RGS8: variants seen among roughly 807,000 people sequenced by gnomAD.
RGS8 encodes regulator of G protein signaling 8.
A neutral mutation model predicts 21.7 loss-of-function variants in RGS8; 8 were observed. That is an observed-to-expected ratio of 0.37 (90% confidence interval 0.22 to 0.66). The LOEUF is 0.66. Ranked by LOEUF, RGS8 falls within the 30% of genes least tolerant of loss-of-function variation. RGS8 has a pLI of 0.59. For synonymous variants in RGS8, 80 were observed against 83.6 expected (o/e 0.96, Z 0.24); for missense variants, 157 against 217.9 (o/e 0.72, Z 1.76).
At position 182,671,646 on chromosome 1, in the gene RGS8, G is replaced by C; in HGVS notation, c.-104+11C>G. On this transcript the variant is annotated intron_variant, in intron 2 of 6. Transcript: ENST00000483095. ...CCGGAGAAGAAAGAGAAAAGCAAAG[G>C]CAATACTCACTGTCTTTGGCCAGTC... The C allele has an allele frequency of 6.2e-7, 1 of 1,612,574 alleles. No individual in the cohort carries two copies. The highest frequency in any genetic ancestry group is 8.5e-7 in the Non-Finnish European group (1 of 1,178,614).
At chr1:182,719,459 T>TTC in the RGS8 span, among the ~76,000 whole-genome samples, 2 of 114,542 alleles carry the variant, frequency 1.7e-5, no homozygotes, top group African/African-American at 8.4e-5. Flanking sequence ...TTTTTCTTTC[T>TTC]TCTTTTTTTT....
At chr1:182,674,055 A>G (rs766503418), upstream of RGS8, among the ~76,000 whole-genome samples, 5 of 152,246 alleles carry the variant, frequency 3.3e-5, no homozygotes, top group Non-Finnish European at 7.3e-5. Context: ...GCTGGTATCT[A>G]GCACCAAACC....
chr1:182,749,235 T>G, the RGS8 span, among the ~76,000 whole-genome samples: 1 of 152,248 alleles, frequency 6.6e-6, no homozygotes. Context: ...GTCTTACACT[T>G]AAGTCTTTAA....
chr1:182,726,670 C>CAAA, the RGS8 span, among the ~76,000 whole-genome samples: 1 of 134,310 alleles, frequency 7.4e-6, no homozygotes. Flanking sequence ...GACTCTGTCT[C>CAAA]AAAAAAAAAA....
At chr1:182,731,859 G>A in the RGS8 span, among the ~76,000 whole-genome samples, 1 of 152,182 alleles carries the variant, frequency 6.6e-6, no homozygotes, top group Non-Finnish European at 1.5e-5. Flanking sequence ...CTTGTTAGTG[G>A]CAGCTAATCT....
the RGS8 span, among the ~76,000 whole-genome samples, chr1:182,742,747 G>GAGGGAC: frequency 0.077 from 11,604 of 150,366 alleles, 524 homozygotes; most frequent in African/African-American, 0.12. Flanking sequence ...GGGAGAGGGA[G>GAGGGAC]AGGGACAGGG....
intron 6 of RGS8, 109 bp downstream of exon 7, chr1:182,648,028 C>T (rs994914248): frequency 6.4e-6 from 6 of 942,320 alleles, no homozygotes; most frequent in Non-Finnish European, 7.4e-6. Context: ...TGATGAGGCT[C>T]AGTTTAGTAT....
the RGS8 span, among the ~76,000 whole-genome samples, chr1:182,736,231 G>A: frequency 6.6e-6 from 1 of 152,124 alleles, no homozygotes; most frequent in Non-Finnish European, 1.5e-5. Context: ...TCCACCAGTG[G>A]TACAATTACC....
At chr1:182,697,044 G>C in the RGS8 span, among the ~76,000 whole-genome samples, 1 of 152,180 alleles carries the variant, frequency 6.6e-6, no homozygotes, top group Non-Finnish European at 1.5e-5. Flanking sequence ...CAGCAGAAGT[G>C]CAAAGACATT....
the RGS8 span, among the ~76,000 whole-genome samples, chr1:182,710,037 G>A: frequency 1.3e-5 from 2 of 152,114 alleles, no homozygotes; most frequent in East Asian, 3.9e-4. Flanking sequence ...CTAAGAGAGA[G>A]AGAGGGCTTG....
chr1:182,734,753 A>T, the RGS8 span: 1 of 152,150 alleles, frequency 6.6e-6, no homozygotes, highest in East Asian at 1.9e-4. Context: ...CACTGGGAGG[A>T]TGTTGGGAGG....
At chr1:182,661,504 A>C (rs1383744124) in intron 5 of RGS8, among the ~76,000 whole-genome samples, 2 of 151,980 alleles carry the variant, frequency 1.3e-5, no homozygotes, top group Non-Finnish European at 2.9e-5. Flanking sequence ...ATCAAAGGAC[A>C]GAGGGAGGCA....
At chr1:182,665,573 G>A (rs1663815877) in intron 5 of RGS8, among the ~76,000 whole-genome samples, 2 of 152,190 alleles carry the variant, frequency 1.3e-5, no homozygotes, top group Admixed American at 1.3e-4. Flanking sequence ...TCATTTGACT[G>A]ATGCATAGCC....
upstream of RGS8, among the ~76,000 whole-genome samples, chr1:182,686,105 C>G (rs1664697382): frequency 6.6e-6 from 1 of 152,094 alleles, no homozygotes; most frequent in South Asian, 2.1e-4. Flanking sequence ...GCAGAGTCGA[C>G]TGGGCTAGAG....
the RGS8 span, among the ~76,000 whole-genome samples, chr1:182,697,978 T>A: frequency 6.6e-6 from 1 of 152,170 alleles, no homozygotes; most frequent in African/African-American, 2.4e-5. Context: ...CGTGTTAATG[T>A]TTCCAATTCA....
At chr1:182,708,633 C>T in the RGS8 span, among the ~76,000 whole-genome samples, 30 of 152,250 alleles carry the variant, frequency 2.0e-4, no homozygotes, top group Non-Finnish European at 3.5e-4. Flanking sequence ...CTCCTGCCAC[C>T]AGGCTGGCTT....
downstream of RGS8, chr1:182,645,827 A>T (rs1662677693): frequency 6.6e-6 from 1 of 152,216 alleles, no homozygotes; most frequent in Admixed American, 6.5e-5. Flanking sequence ...CCCTTTGCCA[A>T]GCTGTCATCC....
At chr1:182,741,419 C>A in the RGS8 span, among the ~76,000 whole-genome samples, 1 of 132,896 alleles carries the variant, frequency 7.5e-6, no homozygotes, top group East Asian at 2.5e-4. Context: ...CTGACCCCCC[C>A]ACCTCCCTCC....
chr1:182,713,415 C>T, the RGS8 span, among the ~76,000 whole-genome samples: 2 of 152,072 alleles, frequency 1.3e-5, no homozygotes, highest in Non-Finnish European at 2.9e-5. Context: ...ATCTCCTGAC[C>T]TCCAGTGATC....
Sources: allele counts gnomAD v4.1 joint callset (sites outside exome capture counted in the v4.1 genomes callset), GRCh38; gene constraint gnomAD v4.1.1; transcripts MANE v1.5; gene names NCBI Gene and HGNC (gene_info 2026-07-23, HGNC 2026-07-21).